Variants in TRIP12 observed in about 807,000 individuals in gnomAD.
TRIP12 encodes the protein E3 ubiquitin-protein ligase TRIP12.
TRIP12 carries 25 observed loss-of-function variants against 244.2 expected under a neutral mutation model. The observed-to-expected ratio is 0.10, with a 90% confidence interval of 0.07 to 0.14. TRIP12 has a LOEUF of 0.14. Ranked by LOEUF, TRIP12 falls within the 10% of genes least tolerant of loss-of-function variation. TRIP12 has a pLI of 1.00. For missense variants in TRIP12, 1,677 were observed against 2,486.4 expected (o/e 0.67, Z 6.92); for synonymous variants, 905 against 873.1 (o/e 1.04, Z -0.64).
intron 9 of TRIP12, 117 bp from the exon 10 acceptor site, chr2:229,815,425 C>G: frequency 1.6e-6 from 1 of 627,174 alleles, no homozygotes; most frequent in Non-Finnish European, 2.7e-6. Flanking sequence ...TAACTTTTAC[C>G]ACACAAAAAT....
rs185004885 is a variant in TRIP12, at chr2:229,810,857, T to C, written c.2221+23A>G. On this transcript the variant is annotated intron_variant, in intron 15 of 41. Transcript: ENST00000675903. The stretch of plus-strand genomic sequence containing the variant: ...AAGAACCAACTTTTCCTGCTTAAAG[T>C]AGAACAGTAAATTTGCACTTACTTT... The C allele has an allele frequency of 4.4e-4, 703 of 1,611,474 alleles. 1 individual carries two copies. In the African/African-American group the frequency reaches 8.7e-3, roughly 20 times the overall value.
chr2:229,894,616 G>C, intron 1 of TRIP12, among the ~76,000 whole-genome samples: 1 of 152,198 alleles, frequency 6.6e-6, no homozygotes, highest in East Asian at 1.9e-4. Flanking sequence ...GGAGAGAAGA[G>C]AAGGAAGGGG....
chr2:229,922,550 GTA>G (rs1238614603), upstream of TRIP12: 1 of 1,614,068 alleles, frequency 6.2e-7, no homozygotes, highest in Non-Finnish European at 8.5e-7. Flanking sequence ...CTTTGAAACT[GTA>G]GGACAAGGCC....
At chr2:229,875,796 G>C (rs989197403) in intron 2 of TRIP12, among the ~76,000 whole-genome samples, 12 of 152,176 alleles carry the variant, frequency 7.9e-5, no homozygotes, top group Admixed American at 6.5e-4. Context: ...CCATTTTCAG[G>C]AAACGAAGGC....
At chr2:229,804,718 G>A (rs1237547237) in intron 18 of TRIP12, among the ~76,000 whole-genome samples, 1 of 152,138 alleles carries the variant, frequency 6.6e-6, no homozygotes, top group Non-Finnish European at 1.5e-5. Flanking sequence ...ACAAAGTACG[G>A]TCTGTAAGCC....
In TRIP12 at chr2:229,891,328, G is replaced by A; in HGVS notation, c.-49-11200C>T. 1.3e-5 allele frequency among the ~76,000 whole-genome samples: 2 copies of A among 152,190 alleles called. 1 individual carries two copies. The highest frequency in any genetic ancestry group is 3.9e-4 in the East Asian group (2 of 5,192). The stretch of plus-strand genomic sequence containing the variant: ...TGGCCCCAGCTACTCAGCAAGCTGA[G>A]GTGGGAGGACTGCTTGAGCCTGGGA... On this transcript the variant is annotated intron_variant, in intron 1 of 41. Coordinates refer to ENST00000675903, the MANE Select transcript of TRIP12 (RefSeq NM_001348323.3).
intron 1 of TRIP12, among the ~76,000 whole-genome samples, chr2:229,881,945 A>G (rs557238147): frequency 4.6e-5 from 7 of 152,334 alleles, no homozygotes; most frequent in African/African-American, 1.7e-4. Flanking sequence ...CTGATTGTCA[A>G]TTTATAAGGA....
chr2:229,915,091 A>C (rs916141304), intron 1 of TRIP12, among the ~76,000 whole-genome samples: 6 of 152,098 alleles, frequency 3.9e-5, no homozygotes, highest in Non-Finnish European at 7.4e-5. Context: ...GTCTCTACTA[A>C]AAATACAAAA....
At chr2:229,838,447 T>C (rs541681157) in intron 5 of TRIP12, among the ~76,000 whole-genome samples, 7 of 152,270 alleles carry the variant, frequency 4.6e-5, no homozygotes, top group African/African-American at 1.7e-4. Context: ...AGATTTGCCA[T>C]GAAGAGCACT....
chr2:229,818,102 G>C (rs2048964791), intron 9 of TRIP12, among the ~76,000 whole-genome samples: 1 of 152,032 alleles, frequency 6.6e-6, no homozygotes. Flanking sequence ...TTACTGATGA[G>C]GTGAACAACT....
intron 1 of TRIP12, among the ~76,000 whole-genome samples, chr2:229,909,953 T>C (rs971162410): frequency 1.3e-5 from 2 of 152,246 alleles, no homozygotes; most frequent in Admixed American, 1.3e-4. Flanking sequence ...CTTAAATGAT[T>C]GCTTTTCTAG....
chr2:229,896,882 A>G (rs2068990207), intron 1 of TRIP12, among the ~76,000 whole-genome samples: 1 of 152,246 alleles, frequency 6.6e-6, no homozygotes, highest in Admixed American at 6.5e-5. Context: ...TAAAAATTAC[A>G]GTTTATAATA....
At chr2:229,872,428 G>A (rs377420393) in intron 2 of TRIP12, among the ~76,000 whole-genome samples, 1 of 152,132 alleles carries the variant, frequency 6.6e-6, no homozygotes, top group African/African-American at 2.4e-5. Flanking sequence ...GCCAGCTGTG[G>A]TGACAGGCAC....
intron 1 of TRIP12, among the ~76,000 whole-genome samples, chr2:229,880,949 TAAACA>T (rs985963521): frequency 3.3e-5 from 5 of 151,936 alleles, no homozygotes; most frequent in African/African-American, 1.2e-4. Flanking sequence ...ACCTCAAAAC[TAAACA>T]AAACAAACAA....
intron 23 of TRIP12, 63 bp downstream of exon 23, chr2:229,798,812 G>A (rs1291687524): frequency 3.2e-6 from 5 of 1,563,884 alleles, no homozygotes; most frequent in African/African-American, 1.4e-5. Context: ...CGTACTGGCT[G>A]AAATAATGTT....
intron 38 of TRIP12, chr2:229,773,532 G>A (rs1339625627): frequency 6.6e-6 from 1 of 152,356 alleles, no homozygotes; most frequent in Non-Finnish European, 1.5e-5. Context: ...ACAGACTCAT[G>A]ACACCACACC....
At chr2:229,922,838 C>T (rs1393246523), upstream of TRIP12, among the ~76,000 whole-genome samples, 2 of 152,218 alleles carry the variant, frequency 1.3e-5, no homozygotes, top group African/African-American at 4.8e-5. Flanking sequence ...TCTCTGCCTC[C>T]CCGCGGTGCC....
At chr2:229,813,602 A>T (rs2047790358) in intron 13 of TRIP12, among the ~76,000 whole-genome samples, 1 of 151,774 alleles carries the variant, frequency 6.6e-6, no homozygotes, top group Admixed American at 6.6e-5. Context: ...TGGCCAACAT[A>T]GCAAAACCCC....
At chr2:229,897,628 C>G (rs760301735) in intron 1 of TRIP12, among the ~76,000 whole-genome samples, 7 of 152,238 alleles carry the variant, frequency 4.6e-5, no homozygotes, top group Non-Finnish European at 8.8e-5. Context: ...GCCTGGGCGA[C>G]AGAGTGAGAC....
Sources: allele counts gnomAD v4.1 joint callset (sites outside exome capture counted in the v4.1 genomes callset), GRCh38; gene constraint gnomAD v4.1.1; transcripts MANE v1.5; gene names NCBI Gene and HGNC (gene_info 2026-07-23, HGNC 2026-07-21).